IL18R1: variants seen among roughly 807,000 people sequenced by gnomAD.
IL18R1 encodes interleukin-18 receptor 1.
IL18R1 carries 40 observed loss-of-function variants against 48.5 expected under a neutral mutation model. The observed-to-expected ratio is 0.82, with a 90% confidence interval of 0.64 to 1.07. The LOEUF (loss-of-function observed/expected upper bound fraction) is 1.07. Among genes scored for constraint, IL18R1 ranks in the 50% least tolerant of loss-of-function variants. IL18R1 has a pLI of 0.00. For missense variants in IL18R1, 596 were observed against 633.7 expected (o/e 0.94, Z 0.64); for synonymous variants, 232 against 225.9 (o/e 1.03, Z -0.24).
intron 5 of IL18R1, among the ~76,000 whole-genome samples, chr2:102,376,354 A>G (rs1045127995): frequency 6.6e-6 from 1 of 152,226 alleles, no homozygotes; most frequent in African/African-American, 2.4e-5. Flanking sequence ...TTGAATTTAC[A>G]TTTTCACTTT....
At chr2:102,360,490 C>T (rs569201172) in intron 1 of IL18R1, among the ~76,000 whole-genome samples, 4 of 152,246 alleles carry the variant, frequency 2.6e-5, no homozygotes, top group African/African-American at 9.6e-5. Context: ...GTCTCAGTCT[C>T]CTGACCTCAT....
chr2:102,378,549 A>G (rs1490300083), intron 5 of IL18R1, among the ~76,000 whole-genome samples: 3 of 152,142 alleles, frequency 2.0e-5, no homozygotes, highest in African/African-American at 7.2e-5. Flanking sequence ...TCAGGACTCC[A>G]CTCAAATGTC....
At chr2:102,359,854 G>A (rs975883968) in intron 1 of IL18R1, among the ~76,000 whole-genome samples, 4 of 152,178 alleles carry the variant, frequency 2.6e-5, no homozygotes, top group Non-Finnish European at 5.9e-5. Flanking sequence ...AATAATAATA[G>A]CTAACATTTA....
intron 4 of IL18R1, among the ~76,000 whole-genome samples, chr2:102,372,677 G>A (rs190567541): frequency 2.9e-4 from 44 of 151,728 alleles, no homozygotes; most frequent in Admixed American, 1.5e-3. Flanking sequence ...TAAGAATTAC[G>A]TTGTGACTAT....
chr2:102,382,529 G>T (rs1679978025), intron 6 of IL18R1, among the ~76,000 whole-genome samples: 1 of 152,134 alleles, frequency 6.6e-6, no homozygotes, highest in Non-Finnish European at 1.5e-5. Flanking sequence ...GCTAAGCCAG[G>T]TATCATGCTA....
chr2:102,373,913 G>C lies in IL18R1; in HGVS notation c.468+1795G>C, dbSNP rs533579668. 7.2e-4 allele frequency: 311 copies of C among 431,916 alleles called. 7 individuals are homozygous for C. Among genetic ancestry groups the C allele is most frequent in the South Asian group, 5.0e-3 (299 of 59,630 alleles). 26.8% of individuals were successfully genotyped at this position (431,916 alleles called of 1,614,324 possible). A position where few individuals can be genotyped will look rare whatever the true frequency, so the allele number is the denominator to read the frequency against. On this transcript the variant is annotated intron_variant, in intron 4 of 10. Coordinates refer to ENST00000233957, the MANE Select transcript of IL18R1 (RefSeq NM_003855.5). ...ATGAGAATCTAATGCCTGATGATCT[G>C]TCACTGTCTCCCATCACCCCCAGAT...
Position 102,357,061 on chromosome 2 carries a change from T to C in IL18R1, c.-29+661T>C, listed in dbSNP as rs115461415. ...TTTTGTGTCATACACAGTGCTGCTA[T>C]TGGGAGCACACCTCTCAACCTCAGG... On this transcript the variant is annotated intron_variant, in intron 1 of 10. Transcript: ENST00000233957. Among the ~76,000 whole-genome samples the C allele has an allele frequency of 1.0e-3, 154 of 152,310 alleles. 1 individual carries two copies. Among genetic ancestry groups the C allele is most frequent in the Non-Finnish European group, 1.4e-3 (96 of 68,006 alleles).
At chr2:102,391,360 G>A (rs918471599) in intron 9 of IL18R1, among the ~76,000 whole-genome samples, 3 of 152,070 alleles carry the variant, frequency 2.0e-5, no homozygotes, top group East Asian at 3.9e-4. Context: ...CTTAATATGC[G>A]CACTCTTTTC....
Position 102,369,275 on chromosome 2 carries a change from T to A in IL18R1, c.302+1207T>A, listed in dbSNP as rs576646236. On this transcript the variant is annotated intron_variant, in intron 3 of 10. Transcript: ENST00000233957. The stretch of plus-strand genomic sequence containing the variant: ...TTCTGGACAGGCCTGAGAGAGCACG[T>A]TGAGAGGAACAGCCAGGCATCTATG... Among the ~76,000 whole-genome samples the A allele has an allele frequency of 3.3e-5, 5 of 152,140 alleles. No homozygotes were observed. The East Asian group carries it at 7.7e-4, about 24-fold the overall frequency.
intron 5 of IL18R1, among the ~76,000 whole-genome samples, chr2:102,376,447 G>A (rs534671635): frequency 2.0e-5 from 3 of 152,348 alleles, no homozygotes; most frequent in South Asian, 2.1e-4. Context: ...ATGAGATGAA[G>A]TGAGCACTGT....
At chr2:102,394,319 G>A (rs1680706362) in intron 9 of IL18R1, 150 bp from the exon 10 acceptor site, 2 of 483,754 alleles carry the variant, frequency 4.1e-6, no homozygotes, top group Admixed American at 7.1e-5. Flanking sequence ...TGGTTGCTTG[G>A]TTAGCATGGG....
In IL18R1 at chr2:102,390,072, C is replaced by G; in HGVS notation, c.966C>G (p.Ile322Met). 2 of 1,613,854 alleles carry G rather than the reference C, an allele frequency of 1.2e-6. No individual in the cohort carries two copies. The highest frequency in any genetic ancestry group is 1.7e-6 in the Non-Finnish European group (2 of 1,179,876). The stretch of plus-strand genomic sequence containing the variant: ...CTTTTCTAGCAGACATGGCTGATAT[C>G]CCAGGCCACGTCTTCACAAGAGGAA... ...ILVRKADMAD[I>M]PGHVFTRGMI... Residue 322 changes from isoleucine (I) to methionine (M), a missense_variant, in exon 9 of 11, where the codon ATC becomes ATG. Coordinates refer to ENST00000233957, the MANE Select transcript of IL18R1 (RefSeq NM_003855.5).
intron 10 of IL18R1, among the ~76,000 whole-genome samples, chr2:102,395,418 T>C (rs1680769496): frequency 1.3e-5 from 2 of 152,200 alleles, no homozygotes; most frequent in African/African-American, 4.8e-5. Flanking sequence ...ACTATTCCTG[T>C]GCCAAGTTGT....
intron 1 of IL18R1, among the ~76,000 whole-genome samples, chr2:102,358,913 TAAC>T (rs1678412421): frequency 6.6e-6 from 1 of 152,044 alleles, no homozygotes; most frequent in African/African-American, 2.4e-5. Context: ...ATTCAGCAAA[TAAC>T]AAAGAAACAA....
intron 2 of IL18R1, among the ~76,000 whole-genome samples, chr2:102,367,203 A>G (rs777394868): frequency 1.3e-5 from 2 of 152,200 alleles, no homozygotes; most frequent in African/African-American, 2.4e-5. Context: ...AGTGACAGAT[A>G]TGCAAATTTG....
intron 5 of IL18R1, among the ~76,000 whole-genome samples, chr2:102,379,745 C>T (rs1378154078): frequency 6.6e-6 from 1 of 152,144 alleles, no homozygotes; most frequent in Non-Finnish European, 1.5e-5. Context: ...GACAGAAAGG[C>T]AGGAGAAGGT....
intron 3 of IL18R1, among the ~76,000 whole-genome samples, chr2:102,370,737 A>G (rs1437924296): frequency 1.3e-5 from 2 of 152,212 alleles, no homozygotes; most frequent in Non-Finnish European, 2.9e-5. Context: ...GAGATTTAGC[A>G]TTCTCATCTG....
intron 9 of IL18R1, among the ~76,000 whole-genome samples, chr2:102,391,695 G>A (rs2105126604): frequency 6.6e-6 from 1 of 152,290 alleles, no homozygotes; most frequent in South Asian, 2.1e-4. Flanking sequence ...TTCAAAAGAT[G>A]ACAGCAAATT....
chr2:102,374,392 C>T (rs187781349), intron 4 of IL18R1, among the ~76,000 whole-genome samples: 5 of 152,206 alleles, frequency 3.3e-5, no homozygotes, highest in Admixed American at 6.5e-5. Context: ...TCTAAACACT[C>T]GAATCAGTCC....
Sources: gnomAD v4.1 joint callset for allele counts (sites outside exome capture counted in the v4.1 genomes callset) on GRCh38, gnomAD v4.1.1 for gene constraint, MANE v1.5 for transcripts, NCBI Gene and HGNC (gene_info 2026-07-23, HGNC 2026-07-21) for gene names.